Variants in TMC1 observed in about 807,000 individuals in gnomAD.
TMC1 encodes the protein transmembrane channel-like protein 1.
In TMC1, 84 loss-of-function variants were observed where a neutral mutation model predicts 105.8. The ratio of observed to expected loss-of-function variants is 0.79; its 90% CI spans 0.67 to 0.95. The LOEUF is 0.95. Among genes scored for constraint, TMC1 ranks in the 40% least tolerant of loss-of-function variants. The probability of loss-of-function intolerance (pLI) is 0.00; values close to 1 mark genes in which losing one functional copy is unlikely to be tolerated. For synonymous variants in TMC1, 315 were observed against 311.5 expected, an observed-to-expected ratio of 1.01 and a Z score of -0.12; for missense variants, 817 against 914.1, an observed-to-expected ratio of 0.89 and a Z score of 1.37.
chr9:72,723,765 T>C (rs1208285716), intron 8 of TMC1, among the ~76,000 whole-genome samples: 1 of 152,218 alleles, frequency 6.6e-6, no homozygotes, highest in Admixed American at 6.5e-5. Flanking sequence ...AATATACTTT[T>C]GTCTACCAAG....
At chr9:72,547,680 A>G (rs1823794842) in intron 1 of TMC1, among the ~76,000 whole-genome samples, 2 of 152,240 alleles carry the variant, frequency 1.3e-5, no homozygotes, top group Admixed American at 6.5e-5. Context: ...TGATCAGGGT[A>G]TAAACCACTG....
At chr9:72,815,410 T>A (rs936038873) in intron 18 of TMC1, among the ~76,000 whole-genome samples, 1 of 152,220 alleles carries the variant, frequency 6.6e-6, no homozygotes, top group Non-Finnish European at 1.5e-5. Context: ...TTTCTTTTGC[T>A]GTATTTACTT....
At chr9:72,555,594 T>C (rs1299691210) in intron 1 of TMC1, among the ~76,000 whole-genome samples, 2 of 152,104 alleles carry the variant, frequency 1.3e-5, no homozygotes, top group African/African-American at 4.8e-5. Flanking sequence ...TGTTAGTAAC[T>C]GCTTCCTTGG....
At chr9:72,539,248 A>C (rs1334200651) in intron 1 of TMC1, among the ~76,000 whole-genome samples, 1 of 151,882 alleles carries the variant, frequency 6.6e-6, no homozygotes, top group East Asian at 1.9e-4. Flanking sequence ...ACAACAACAA[A>C]AAAACAAATC....
chr9:72,537,771 A>C (rs959543416), intron 1 of TMC1, among the ~76,000 whole-genome samples: 1 of 152,202 alleles, frequency 6.6e-6, no homozygotes, highest in African/African-American at 2.4e-5. Flanking sequence ...GGGGGCTTCC[A>C]GGTCATAGGT....
At chr9:72,824,155 G>A (rs1030516942) in intron 20 of TMC1, among the ~76,000 whole-genome samples, 3 of 152,250 alleles carry the variant, frequency 2.0e-5, no homozygotes, top group African/African-American at 7.2e-5. Context: ...TCCATGTGGG[G>A]CCCGTGGCCA....
chr9:72,807,614 C>T (rs930567272), intron 18 of TMC1, among the ~76,000 whole-genome samples: 12 of 152,330 alleles, frequency 7.9e-5, no homozygotes, highest in African/African-American at 2.9e-4. Context: ...ATATCAACTG[C>T]ATATTCTATT....
intron 5 of TMC1, among the ~76,000 whole-genome samples, chr9:72,679,016 A>C (rs1005923650): frequency 2.0e-5 from 3 of 152,062 alleles, no homozygotes; most frequent in African/African-American, 7.2e-5. Context: ...ATATTTACCT[A>C]GTTTCTTTCT....
chr9:72,589,709 G>A (rs1824604762), intron 2 of TMC1, among the ~76,000 whole-genome samples: 1 of 152,190 alleles, frequency 6.6e-6, no homozygotes, highest in Admixed American at 6.6e-5. Context: ...ATACCCAGGT[G>A]TGTTCTTGTC....
At chr9:72,560,034 T>A (rs1484381166) in intron 1 of TMC1, among the ~76,000 whole-genome samples, 1 of 152,202 alleles carries the variant, frequency 6.6e-6, no homozygotes, top group African/African-American at 2.4e-5. Context: ...CTGGGCCTGA[T>A]ATCTCCTTGA....
intron 1 of TMC1, among the ~76,000 whole-genome samples, chr9:72,542,595 A>T (rs1219456167): frequency 6.6e-6 from 1 of 151,072 alleles, no homozygotes; most frequent in East Asian, 2.0e-4. Context: ...GCTCCAGCCT[A>T]GGGGGGAGAA....
intron 2 of TMC1, among the ~76,000 whole-genome samples, chr9:72,612,211 C>A (rs1279049121): frequency 6.6e-6 from 1 of 152,146 alleles, no homozygotes; most frequent in Non-Finnish European, 1.5e-5. Flanking sequence ...TGTTCAATTG[C>A]CTACATAACT....
intron 8 of TMC1, among the ~76,000 whole-genome samples, chr9:72,722,946 G>A (rs1827053243): frequency 1.3e-5 from 2 of 152,140 alleles, no homozygotes; most frequent in Admixed American, 1.3e-4. Context: ...GTCAGCTTCG[G>A]TATCTCTTTG....
chr9:72,700,328 A>C (rs561401842), intron 7 of TMC1, among the ~76,000 whole-genome samples, 190 bp from the exon 8 acceptor site: 1 of 152,138 alleles, frequency 6.6e-6, no homozygotes, highest in African/African-American at 2.4e-5. Flanking sequence ...ACTACTGCTT[A>C]AAGTTATAAT....
chr9:72,659,088 A>T (rs1339349087), intron 5 of TMC1, among the ~76,000 whole-genome samples: 1 of 152,246 alleles, frequency 6.6e-6, no homozygotes, highest in African/African-American at 2.4e-5. Context: ...GGTCAAAAAG[A>T]TGCCTATATT....
intron 1 of TMC1, among the ~76,000 whole-genome samples, chr9:72,561,049 C>T (rs1179082665): frequency 6.6e-6 from 1 of 151,548 alleles, no homozygotes. Context: ...CGCGGTGGCC[C>T]ATGCCTGTAA....
chr9:72,556,961 T>A (rs79477571), intron 1 of TMC1, among the ~76,000 whole-genome samples: 1 of 152,136 alleles, frequency 6.6e-6, no homozygotes, highest in Non-Finnish European at 1.5e-5. Context: ...TATTGGCATC[T>A]AATACGTAGA....
intron 12 of TMC1, among the ~76,000 whole-genome samples, chr9:72,758,226 C>G (rs1046531052): frequency 1.3e-5 from 2 of 152,112 alleles, no homozygotes; most frequent in African/African-American, 4.8e-5. Flanking sequence ...TTAAGGGACA[C>G]TTTGCTTTTA....
At chr9:72,591,663 T>C (rs1824641003) in intron 2 of TMC1, among the ~76,000 whole-genome samples, 1 of 152,176 alleles carries the variant, frequency 6.6e-6, no homozygotes, top group Non-Finnish European at 1.5e-5. Context: ...CTTCATCTCC[T>C]AGGCTCAAGC....
Sources: allele counts gnomAD v4.1 joint callset (sites outside exome capture counted in the v4.1 genomes callset), GRCh38; gene constraint gnomAD v4.1.1; transcripts MANE v1.5; gene names NCBI Gene and HGNC (gene_info 2026-07-23, HGNC 2026-07-21).